BAZ1A: variants seen among roughly 807,000 people sequenced by gnomAD.
BAZ1A encodes bromodomain adjacent to zinc finger domain protein 1A.
BAZ1A carries 50 observed loss-of-function variants against 185.2 expected under a neutral mutation model. That is an observed-to-expected ratio of 0.27 (90% CI 0.22 to 0.34). The LOEUF (loss-of-function observed/expected upper bound fraction) is 0.34, where lower values mean the gene tolerates loss of function less well. Ranked by LOEUF, BAZ1A falls within the 10% of genes least tolerant of loss-of-function variation. The pLI, the probability that BAZ1A is intolerant of heterozygous loss-of-function variation, is 1.00. For missense variants in BAZ1A, 1,356 were observed against 1,839.9 expected (o/e 0.74, Z 4.81); for synonymous variants, 571 against 615.6 (o/e 0.93, Z 1.07).
chr14:34,815,521 AAC>A lies in BAZ1A; in HGVS notation c.537-4487_537-4486del, dbSNP rs1162157586. The stretch of plus-strand genomic sequence containing the variant: ...AGTGTAGACCTGTGTTTAGTTCTAC[AAC>A]AAGCAAACATCAAATATTGTACTAA... On this transcript the variant is annotated intron_variant, in intron 4 of 26. Coordinates refer to ENST00000360310, the MANE Select transcript of BAZ1A (RefSeq NM_013448.3). 2.0e-5 allele frequency among the ~76,000 whole-genome samples: 3 copies of A among 152,350 alleles called. No individual in the cohort carries two copies. The East Asian group carries it at 5.8e-4, about 29-fold the overall frequency.
intron 12 of BAZ1A, among the ~76,000 whole-genome samples, chr14:34,790,422 C>T (rs955526000): frequency 3.3e-5 from 5 of 152,290 alleles, no homozygotes; most frequent in Admixed American, 2.0e-4. Context: ...GTCGTGATCT[C>T]GGATCACTGC....
chr14:34,774,453 C>G lies in BAZ1A; in HGVS notation c.2871G>C (p.Arg957=). The G allele has an allele frequency of 6.2e-7, 1 of 1,609,572 alleles. No individual in the cohort carries two copies. The highest frequency in any genetic ancestry group is 8.5e-7 in the Non-Finnish European group (1 of 1,178,036). Residue 957 remains arginine, a synonymous_variant, in exon 19 of 27, where the codon CGG becomes CGC. Transcript: ENST00000360310. The part of the protein sequence containing the change: ...PQPDSKPTYS[R]GRSSNAYDPS... ...GATCATATGCATTGGAAGATCTTCC[C>G]CGACTATATGTTGGTTTGCTATCAG...
intron 4 of BAZ1A, among the ~76,000 whole-genome samples, chr14:34,822,402 T>C (rs1470263184): frequency 1.3e-5 from 2 of 152,070 alleles, no homozygotes; most frequent in African/African-American, 4.8e-5. Flanking sequence ...GGTGGGTGAA[T>C]TACTCGAGCT....
chr14:34,820,063 A>ATC (rs1454362825), intron 4 of BAZ1A, among the ~76,000 whole-genome samples: 1 of 143,556 alleles, frequency 7.0e-6, no homozygotes, highest in Non-Finnish European at 1.5e-5. Flanking sequence ...TGCCATCTAT[A>ATC]TGGCTTCTTT....
At chr14:34,809,797 T>G (rs1003202296) in intron 5 of BAZ1A, among the ~76,000 whole-genome samples, 1 of 152,136 alleles carries the variant, frequency 6.6e-6, no homozygotes, top group African/African-American at 2.4e-5. Flanking sequence ...TTACATTATG[T>G]AAATAACATA....
rs12881837 is a variant in BAZ1A at position 34,757,854 on chromosome 14, C to A, written c.4386+850G>T. ...TTCTGCCTCCCGGGTTCAAGTAATTCTCCTGCCTCAGCCTCCCAAGTAGCG... is the reference window on the plus strand; with the variant it reads ...TTCTGCCTCCCGGGTTCAAGTAATTATCCTGCCTCAGCCTCCCAAGTAGCG... On this transcript the variant is annotated intron_variant, in intron 25 of 26. Coordinates refer to ENST00000360310, the MANE Select transcript of BAZ1A (RefSeq NM_013448.3). Among the ~76,000 whole-genome samples the A allele has an allele frequency of 3.5e-4, 52 of 149,662 alleles. 1 individual carries two copies. The highest frequency in any genetic ancestry group is 6.1e-4 in the Non-Finnish European group (41 of 67,590).
chr14:34,826,501 G>C (rs2042167138), intron 3 of BAZ1A, among the ~76,000 whole-genome samples: 1 of 152,120 alleles, frequency 6.6e-6, no homozygotes. Context: ...AGGATTTATA[G>C]CTACAAACTC....
chr14:34,782,954 A>G (rs907817863), intron 16 of BAZ1A, among the ~76,000 whole-genome samples, 165 bp downstream of exon 16: 1 of 152,190 alleles, frequency 6.6e-6, no homozygotes, highest in African/African-American at 2.4e-5. Context: ...AGATAAATAT[A>G]TTGGTTAAAA....
At chr14:34,830,212 A>G (rs1278263962) in intron 3 of BAZ1A, among the ~76,000 whole-genome samples, 2 of 152,202 alleles carry the variant, frequency 1.3e-5, no homozygotes, top group African/African-American at 4.8e-5. Flanking sequence ...AGTACTACTC[A>G]TAAGAGCCAA....
In BAZ1A at chr14:34,874,740, G is replaced by A. The variant is rs1418110153; in HGVS notation, c.-58-78C>T. On this transcript the variant is annotated intron_variant, in intron 1 of 26. Coordinates refer to ENST00000360310, the MANE Select transcript of BAZ1A (RefSeq NM_013448.3). The surrounding 1 kb of genome is among the most constrained non-coding windows in gnomAD (Gnocchi z 4.7). Reference sequence around the variant, plus strand: ...CAGCGTGGGCCGGTCCGCGCGCTGGGAGAAGCTCGGCTGCCTTTTGTGTGA... The same window carrying A: ...CAGCGTGGGCCGGTCCGCGCGCTGGAAGAAGCTCGGCTGCCTTTTGTGTGA... 6.4e-6 allele frequency: 4 copies of A among 628,758 alleles called. No individual in the cohort carries two copies. In the East Asian group the frequency reaches 1.0e-4, roughly 16 times the overall value. 38.9% of individuals were successfully genotyped at this position (628,758 alleles called of 1,614,324 possible). A position where few individuals can be genotyped will look rare whatever the true frequency, so the allele number is the denominator to read the frequency against.
chr14:34,832,215 C>CACACACACACATATATATATATATATAT, intron 3 of BAZ1A, among the ~76,000 whole-genome samples: 48 of 89,666 alleles, frequency 5.4e-4, no homozygotes, highest in Middle Eastern at 5.7e-3. Flanking sequence ...CACACACACA[C>CACACACACACATATATATATATATATAT]ATATATATAT....
chr14:34,862,988 C>CTTTT (rs372555589), intron 2 of BAZ1A, among the ~76,000 whole-genome samples: 3 of 119,728 alleles, frequency 2.5e-5, no homozygotes, highest in Non-Finnish European at 3.4e-5. Flanking sequence ...TCCACTCTCT[C>CTTTT]TTTTTTTTTT....
rs1402692731 is a variant in BAZ1A at position 34,811,001 on chromosome 14, T to A, written c.572A>T (p.Lys191Met). The change falls in exon 5 of 27, where the codon AAG (lysine) becomes ATG (methionine). Residue 191 changes from lysine (K) to methionine (M), a missense_variant. Around this residue, in one of 7 missense-constraint regions of BAZ1A, gnomAD observed 332 missense variants for 395.3 expected, o/e 0.84. Coordinates refer to ENST00000360310, the MANE Select transcript of BAZ1A (RefSeq NM_013448.3). ...KKDAIDPLLF[K>M]YKVQPTKKEL... ...TTTTTTAGTGGGTTGCACTTTATAC[T>A]TGAATAGTAAGGGATCAATTGCATC... The A allele has an allele frequency of 6.2e-7, 1 of 1,608,664 alleles. No individual in the cohort carries two copies. Among genetic ancestry groups the A allele is most frequent in the East Asian group, 2.2e-5 (1 of 44,726 alleles).
Position 34,786,117 on chromosome 14 carries a change from C to T in BAZ1A, c.1606+9G>A, listed in dbSNP as rs763196714. ...AGCCAAACAAAAAAAAAACAAAACC[C>T]ACACATACCCTGGTGTAACTGTGGC... On this transcript the variant is annotated intron_variant, in intron 13 of 26. Transcript: ENST00000360310. The T allele has an allele frequency of 5.7e-6, 9 of 1,584,642 alleles. No individual in the cohort carries two copies. The highest frequency in any genetic ancestry group is 7.7e-6 in the Non-Finnish European group (9 of 1,172,348).
At chr14:34,816,080 CTTTTTTTTTTTTT>C (rs35830800) in intron 4 of BAZ1A, among the ~76,000 whole-genome samples, 2 of 79,394 alleles carry the variant, frequency 2.5e-5, no homozygotes, top group Admixed American at 4.4e-4. Flanking sequence ...TATTCCAGAC[CTTTTTTTTTTTTT>C]TTTTTTTTTT....
intron 2 of BAZ1A, among the ~76,000 whole-genome samples, chr14:34,862,992 T>A (rs1249622221): frequency 6.9e-6 from 1 of 145,374 alleles, no homozygotes; most frequent in Non-Finnish European, 1.5e-5. Context: ...CTCTCTCTTT[T>A]TTTTTTTTTT....
Position 34,862,335 on chromosome 14 carries a change from C to A in BAZ1A, c.114-13G>T. 1 of 1,578,168 alleles carries A rather than the reference C, an allele frequency of 6.3e-7. No homozygotes were observed. Among genetic ancestry groups the A allele is most frequent in the Admixed American group, 1.9e-5 (1 of 51,940 alleles). The stretch of plus-strand genomic sequence containing the variant: ...TTCAAAAAAGTCACTGATTAAAAAA[C>A]AAAAACAAAAACAAAAGCCCATTAC... On this transcript the variant is annotated splice_polypyrimidine_tract_variant and intron_variant, in intron 2 of 26. Coordinates refer to ENST00000360310, the MANE Select transcript of BAZ1A (RefSeq NM_013448.3).
At chr14:34,807,359 T>A (rs1368076342) in intron 6 of BAZ1A, 92 bp downstream of exon 6, 1 of 863,908 alleles carries the variant, frequency 1.2e-6, no homozygotes, top group African/African-American at 1.7e-5. Flanking sequence ...TCTTTAATCA[T>A]CTTTGAAATA....
intron 4 of BAZ1A, among the ~76,000 whole-genome samples, chr14:34,816,281 G>A (rs1310605094): frequency 6.6e-6 from 1 of 151,888 alleles, no homozygotes; most frequent in East Asian, 1.9e-4. Context: ...TAGAGATGGG[G>A]TTTCACCGTG....
Sources: gnomAD v4.1 joint callset for allele counts (sites outside exome capture counted in the v4.1 genomes callset) on GRCh38, gnomAD v4.1.1 for gene constraint, gnomAD v4.1.1 regional missense constraint, Gnocchi (gnomAD v3.1) non-coding constraint, MANE v1.5 for transcripts, NCBI Gene and HGNC (gene_info 2026-07-23, HGNC 2026-07-21) for gene names.